The following BTC variants were observed in gnomAD, a reference collection of about 807,000 sequenced individuals.
The protein encoded by BTC is betacellulin.
BTC carries 13 observed loss-of-function variants against 18.1 expected under a neutral mutation model. The ratio of observed to expected loss-of-function variants is 0.72; its 90% CI spans 0.47 to 1.14. The LOEUF (loss-of-function observed/expected upper bound fraction) is 1.14, where lower values mean the gene tolerates loss of function less well. BTC is among the 50% of genes most tolerant of loss of function. The pLI, the probability that BTC is intolerant of heterozygous loss-of-function variation, is 0.00. For synonymous variants in BTC, 83 were observed against 79.4 expected (o/e 1.05, Z -0.24); for missense variants, 247 against 224.2 (o/e 1.10, Z -0.65).
chr4:74,763,435 T>C (rs1288524677), intron 2 of BTC, among the ~76,000 whole-genome samples: 1 of 152,114 alleles, frequency 6.6e-6, no homozygotes, highest in East Asian at 1.9e-4. Flanking sequence ...CTACAGTATA[T>C]GGTCTCTATT....
At chr4:74,794,090 T>C (rs1238162052) in intron 1 of BTC, among the ~76,000 whole-genome samples, 172 bp downstream of exon 1, 1 of 152,078 alleles carries the variant, frequency 6.6e-6, no homozygotes, top group African/African-American at 2.4e-5. Flanking sequence ...AGGTGCCCAA[T>C]TGCCAGATCT....
At position 74,774,830 on chromosome 4, in the gene BTC, CT is replaced by C. The variant is rs1014604631; in HGVS notation, c.65-4675del. Among the ~76,000 whole-genome samples the C allele has an allele frequency of 2.3e-4, 34 of 149,204 alleles. No homozygotes were observed. The East Asian group carries it at 2.4e-3, about 10-fold the overall frequency. ...TTTAAGTGAGAAGCAACATAATCATCTTTTTTTTTTCCATTTTGAAAAGACT... is the reference window on the plus strand; with the variant it reads ...TTTAAGTGAGAAGCAACATAATCATCTTTTTTTTTCCATTTTGAAAAGACT... On this transcript the variant is annotated intron_variant, in intron 1 of 5. Coordinates refer to ENST00000395743, the MANE Select transcript of BTC (RefSeq NM_001729.4).
At chr4:74,788,681 T>C (rs1052601505) in intron 1 of BTC, among the ~76,000 whole-genome samples, 1 of 152,208 alleles carries the variant, frequency 6.6e-6, no homozygotes, top group Non-Finnish European at 1.5e-5. Flanking sequence ...GAAATAATGA[T>C]AGTACTTTTC....
intron 2 of BTC, among the ~76,000 whole-genome samples, chr4:74,769,515 A>G (rs1054256154): frequency 1.3e-5 from 2 of 152,168 alleles, no homozygotes; most frequent in African/African-American, 4.8e-5. Flanking sequence ...AACTCTTACT[A>G]AGGCCTTCAC....
chr4:74,757,507 A>T (rs1327831890), intron 2 of BTC, among the ~76,000 whole-genome samples: 1 of 152,242 alleles, frequency 6.6e-6, no homozygotes, highest in African/African-American at 2.4e-5. Flanking sequence ...TGCAAAATGT[A>T]TCAAAGGCAA....
intron 1 of BTC, among the ~76,000 whole-genome samples, chr4:74,775,103 T>A (rs1376938962): frequency 6.6e-6 from 1 of 152,132 alleles, no homozygotes; most frequent in Non-Finnish European, 1.5e-5. Context: ...TAGAGAGGAA[T>A]TCAGTTTGGG....
At chr4:74,792,251 A>C (rs530641612) in intron 1 of BTC, among the ~76,000 whole-genome samples, 2 of 152,202 alleles carry the variant, frequency 1.3e-5, no homozygotes, top group East Asian at 3.8e-4. Context: ...GCGGTTGTAC[A>C]TTTAGGTTAC....
intron 4 of BTC, 43 bp from the exon 5 acceptor site, chr4:74,748,192 C>G: frequency 8.7e-7 from 1 of 1,152,726 alleles, no homozygotes; most frequent in Non-Finnish European, 1.3e-6. Flanking sequence ...CCTAGTAGTT[C>G]ATGCGAACAC....
chr4:74,754,265 A>G (rs782525395), intron 3 of BTC, among the ~76,000 whole-genome samples: 3 of 152,202 alleles, frequency 2.0e-5, no homozygotes, highest in Non-Finnish European at 4.4e-5. Flanking sequence ...TATTTGTTCA[A>G]GCATCAGTCA....
intron 1 of BTC, among the ~76,000 whole-genome samples, chr4:74,783,587 CTTTT>C (rs71220728): frequency 2.8e-4 from 23 of 83,572 alleles, no homozygotes; most frequent in Admixed American, 3.9e-4. Context: ...CTATTCGGCT[CTTTT>C]TTTTTTTTTT....
chr4:74,788,655 C>T (rs768576184), intron 1 of BTC, among the ~76,000 whole-genome samples: 9 of 152,192 alleles, frequency 5.9e-5, no homozygotes, highest in African/African-American at 1.7e-4. Flanking sequence ...CTGCCTTCCT[C>T]ACTATCACGT....
intron 1 of BTC, among the ~76,000 whole-genome samples, chr4:74,770,949 A>ATTTTTTAATTACAC (rs1560718003): frequency 6.7e-6 from 1 of 148,910 alleles, no homozygotes; most frequent in Non-Finnish European, 1.5e-5. Context: ...GTGTGTGTGT[A>ATTTTTTAATTACAC]TAATTATGGA....
At chr4:74,775,019 C>A (rs1201970406) in intron 1 of BTC, among the ~76,000 whole-genome samples, 1 of 151,942 alleles carries the variant, frequency 6.6e-6, no homozygotes, top group Admixed American at 6.6e-5. Context: ...CAGAGTTTAC[C>A]GCTTGGATAA....
chr4:74,750,425 T>C, intron 4 of BTC, 148 bp downstream of exon 4: 2 of 733,954 alleles, frequency 2.7e-6, no homozygotes, highest in African/African-American at 1.8e-5. Context: ...TATGAATACT[T>C]CTATATCAAC....
At chr4:74,759,351 GAC>G (rs1164980262) in intron 2 of BTC, among the ~76,000 whole-genome samples, 3 of 152,068 alleles carry the variant, frequency 2.0e-5, no homozygotes, top group Non-Finnish European at 2.9e-5. Context: ...GAGGTGGTGG[GAC>G]ACAATCGATT....
intron 1 of BTC, among the ~76,000 whole-genome samples, chr4:74,784,232 G>GAAAAAAA (rs58751452): frequency 1.3e-5 from 1 of 79,626 alleles, no homozygotes; most frequent in Non-Finnish European, 2.6e-5. Context: ...ATTCTCTCTC[G>GAAAAAAA]AAAAAAAAAA....
chr4:74,752,381 T>C (rs1441961205), intron 3 of BTC, among the ~76,000 whole-genome samples: 3 of 146,184 alleles, frequency 2.1e-5, no homozygotes, highest in African/African-American at 7.6e-5. Context: ...GGGAATCACT[T>C]TTTTTTTTTT....
chr4:74,761,734 T>C (rs1267936494), intron 2 of BTC, among the ~76,000 whole-genome samples: 1 of 152,080 alleles, frequency 6.6e-6, no homozygotes, highest in Non-Finnish European at 1.5e-5. Flanking sequence ...AACCTCACGA[T>C]CTCCACTACC....
At chr4:74,758,245 A>T (rs1724655844) in intron 2 of BTC, among the ~76,000 whole-genome samples, 1 of 152,262 alleles carries the variant, frequency 6.6e-6, no homozygotes, top group South Asian at 2.1e-4. Context: ...GAAATCTCAG[A>T]TATCAGTAGG....
Sources: gnomAD v4.1 joint callset for allele counts (sites outside exome capture counted in the v4.1 genomes callset) on GRCh38, gnomAD v4.1.1 for gene constraint, MANE v1.5 for transcripts, NCBI Gene and HGNC (gene_info 2026-07-23, HGNC 2026-07-21) for gene names.